The following PTPRN variants were observed in gnomAD, a reference collection of about 807,000 sequenced individuals.
The protein encoded by PTPRN is receptor-type tyrosine-protein phosphatase-like N.
A neutral mutation model predicts 108.5 loss-of-function variants in PTPRN; 70 were observed. That is an observed-to-expected ratio of 0.65 (90% confidence interval 0.53 to 0.79). PTPRN has a LOEUF of 0.79. Ranked by LOEUF, PTPRN falls within the 30% of genes least tolerant of loss-of-function variation. The probability of loss-of-function intolerance (pLI) is 0.00; values close to 1 mark genes in which losing one functional copy is unlikely to be tolerated. For missense variants in PTPRN, 1,136 were observed against 1,295.5 expected (o/e 0.88, Z 1.89); for synonymous variants, 496 against 524.6 (o/e 0.95, Z 0.75).
chr2:219,294,876 G>C (rs547419729), intron 19 of PTPRN, 99 bp downstream of exon 19: 4 of 1,239,952 alleles, frequency 3.2e-6, no homozygotes, highest in Admixed American at 4.0e-5. Flanking sequence ...CAGAGGCCGA[G>C]GCTCCAGGCC....
intron 12 of PTPRN, 124 bp from the exon 13 acceptor site, chr2:219,298,227 G>C (rs1317040540): frequency 1.1e-6 from 1 of 906,872 alleles, no homozygotes; most frequent in Admixed American, 2.2e-5. Flanking sequence ...TGGGAGATTA[G>C]GGGTATGGTG....
chr2:219,291,670 G>A (rs1952058475), intron 19 of PTPRN, 147 bp from the exon 20 acceptor site: 5 of 824,970 alleles, frequency 6.1e-6, no homozygotes, highest in Non-Finnish European at 9.7e-6. Flanking sequence ...AGGAGCCAGG[G>A]CTGGAGGCAA....
rs1372962902 is a variant in PTPRN at position 219,299,083 on chromosome 2, C to G, written c.1632G>C (p.Gln544His). Residue 544 changes from glutamine to histidine, a missense_variant, in exon 12 of 23, where the codon CAG becomes CAC. Transcript: ENST00000295718. ...CTGTCTGCAAGATTTGGAGCCCTGT[C>G]TGTGCTTCCAGTTCAGACTTCACCA... The part of the protein sequence containing the change: ...AGLVKSELEA[Q>H]TGLQILQTGV... The G allele has an allele frequency of 5.6e-6, 9 of 1,614,250 alleles. No individual in the cohort carries two copies. The highest frequency in any genetic ancestry group is 7.6e-6 in the Non-Finnish European group (9 of 1,180,046).
At position 219,297,131 on chromosome 2, in the gene PTPRN, G is replaced by A. The variant is rs1350238048; in HGVS notation, c.2090C>T (p.Ala697Val). 2 of 1,613,752 alleles carry A rather than the reference G, an allele frequency of 1.2e-6. No individual in the cohort carries two copies. Among genetic ancestry groups the A allele is most frequent in the Non-Finnish European group, 1.7e-6 (2 of 1,179,918 alleles). ...GTTCCGCAGGTGATCCTCCATGTATGCCTGTGGGGGCACCACGGTCTGGCT... is the reference window on the plus strand; with the variant it reads ...GTTCCGCAGGTGATCCTCCATGTATACCTGTGGGGGCACCACGGTCTGGCT... ...MDISTGHMIL[A>V]YMEDHLRNRD... The change falls in exon 15 of 23, where the codon GCA becomes GTA. Residue 697 changes from alanine to valine, a missense_variant and splice_region_variant. Coordinates refer to ENST00000295718, the MANE Select transcript of PTPRN (RefSeq NM_002846.4). The surrounding 1 kb of genome is among the most constrained non-coding windows in gnomAD (Gnocchi z 6.0).
intron 19 of PTPRN, 125 bp downstream of exon 19, chr2:219,294,850 G>A (rs918322618): frequency 2.0e-6 from 2 of 1,007,348 alleles, no homozygotes; most frequent in African/African-American, 3.5e-5. Flanking sequence ...GGGGTCTGGA[G>A]CGGGCGGCCA....
rs1050916203 is a variant in PTPRN, at chr2:219,289,809, G to A, written c.*417C>T. ...AGTGTGAGTCAGAGGCAGGCCCGGGGCTGAGAAGCAGGGGGAGCCGGGTGT... is the reference window on the plus strand; with the variant it reads ...AGTGTGAGTCAGAGGCAGGCCCGGGACTGAGAAGCAGGGGGAGCCGGGTGT... On this transcript the variant is annotated 3_prime_UTR_variant, in exon 23 of 23. Transcript: ENST00000295718. 3.4e-5 allele frequency: 6 copies of A among 179,020 alleles called. No homozygotes were observed. Among genetic ancestry groups the A allele is most frequent in the Non-Finnish European group, 7.1e-5 (6 of 84,154 alleles). The allele number at this position is 179,020 out of a possible 1,614,324, so 11.1% of individuals were successfully genotyped here.
At position 219,301,651 on chromosome 2, in the gene PTPRN, C is replaced by T; in HGVS notation, c.1063G>A (p.Glu355Lys). 1 of 1,613,614 alleles carries T rather than the reference C, an allele frequency of 6.2e-7. No homozygotes were observed. The highest frequency in any genetic ancestry group is 8.5e-7 in the Non-Finnish European group (1 of 1,179,580). Residue 355 changes from glutamate to lysine, a missense_variant, in exon 7 of 23, where the codon GAG becomes AAG. By Grantham distance (56) the Glu-to-Lys change is moderately conservative. Coordinates refer to ENST00000295718, the MANE Select transcript of PTPRN (RefSeq NM_002846.4). ...AGGGTCAGGAGTGTGGAGAGCTGCT[C>T]AGGGGTCAGCTGACGCAGCTCTACC... Reference protein sequence around the residue: ...YGVELRQLTPEQLSTLLTLLQ... With the variant: ...YGVELRQLTPKQLSTLLTLLQ...
intron 3 of PTPRN, 66 bp from the exon 4 acceptor site, chr2:219,303,897 G>A: frequency 7.9e-7 from 1 of 1,262,186 alleles, no homozygotes; most frequent in Non-Finnish European, 1.1e-6. Flanking sequence ...GGGACCACTG[G>A]GGATCAGAAC....
chr2:219,299,000 A>G lies in PTPRN; in HGVS notation c.1668+47T>C. 3 of 1,606,164 alleles carry G rather than the reference A, an allele frequency of 1.9e-6. No homozygotes were observed. The South Asian group carries it at 3.3e-5, about 18-fold the overall frequency. The stretch of plus-strand genomic sequence containing the variant: ...GGTTTGCCTCCAGCTCTTGCGGACA[A>G]CATCAGCCCTCTGGGGACTTGGACT... On this transcript the variant is annotated intron_variant, in intron 12 of 22. Transcript: ENST00000295718.
In PTPRN at chr2:219,303,818, G is replaced by A. The variant is rs144327823; in HGVS notation, c.294C>T (p.His98=). Residue 98 remains histidine (H), a synonymous_variant, in exon 4 of 23, where the codon CAC becomes CAT. Transcript: ENST00000295718. The part of the protein sequence containing the change: ...RQLMSQGLSW[H]DDLTQYVISQ... ...AGATCACATACTGGGTGAGGTCATC[G>A]TGCCAGGACAATCCTGTCAGGAAAG... 173 of 1,612,428 alleles carry A rather than the reference G, an allele frequency of 1.1e-4. 1 individual carries two copies. Among genetic ancestry groups the A allele is most frequent in the South Asian group, 8.6e-4 (78 of 90,864 alleles).
Position 219,290,594 on chromosome 2 carries a change from T to C in PTPRN, c.2812A>G (p.Ile938Val), listed in dbSNP as rs146180532. 4.2e-4 allele frequency: 647 copies of C among 1,551,730 alleles called. 5 individuals are homozygous for C. Among genetic ancestry groups the C allele is most frequent in the Non-Finnish European group, 8.5e-5 (97 of 1,147,058 alleles). The change falls in exon 22 of 23, where the codon ATC becomes GTC. Residue 938 changes from isoleucine to valine, a missense_variant. Coordinates refer to ENST00000295718, the MANE Select transcript of PTPRN (RefSeq NM_002846.4). This position sits in a 1 kb window ranked among gnomAD's most constrained non-coding sequence, Gnocchi z 4.2. ...CGGACATGCTCCAGGGTGGCAGCGA[T>C]GTCAATCTCCTTCACTCCTGGAGAT... The part of the protein sequence containing the change: ...RMAKGVKEID[I>V]AATLEHVRDQ...
Position 219,296,300 on chromosome 2 carries a change from G to C in PTPRN, c.2434C>G (p.Leu812Val). 6.2e-7 allele frequency: 1 copy of C among 1,614,134 alleles called. No individual in the cohort carries two copies. Among genetic ancestry groups the C allele is most frequent in the Non-Finnish European group, 8.5e-7 (1 of 1,180,024 alleles). ...GCTVIVMLTP[L>V]VEDGVKQCDR... ...CACTGCTTGACACCATCCTCCACCAGCGGGGTCAGCATGACGATGACGGTG... is the reference window on the plus strand; with the variant it reads ...CACTGCTTGACACCATCCTCCACCACCGGGGTCAGCATGACGATGACGGTG... Residue 812 changes from leucine to valine, a missense_variant, in exon 18 of 23, where the codon CTG (leucine) becomes GTG (valine). Leu to Val is a conservative substitution (Grantham distance 32). Transcript: ENST00000295718. The surrounding 1 kb of genome is among the most constrained non-coding windows in gnomAD (Gnocchi z 6.0).
Position 219,297,042 on chromosome 2 carries a change from C to T in PTPRN, c.2179G>A (p.Ala727Thr), listed in dbSNP as rs759651075. ...CAYQAEPNTCATAQGEGNIKK... is the reference protein window; with the variant it reads ...CAYQAEPNTCTTAQGEGNIKK... ...ATGTTGCCCTCCCCCTGCGCGGTGG[C>T]ACAGGTGTTTGGCTCTGCTTGGTAG... The change falls in exon 15 of 23, where the codon GCC becomes ACC. Residue 727 changes from alanine to threonine, a missense_variant. Transcript: ENST00000295718. This position sits in a 1 kb window ranked among gnomAD's most constrained non-coding sequence, Gnocchi z 6.0. 5 of 1,614,070 alleles carry T rather than the reference C, an allele frequency of 3.1e-6. No homozygotes were observed. Among genetic ancestry groups the T allele is most frequent in the Admixed American group, 3.3e-5 (2 of 60,028 alleles).
rs1445769382 is a variant in PTPRN at position 219,296,737 on chromosome 2, A to G, written c.2310+12T>C. 1.9e-6 allele frequency: 3 copies of G among 1,613,566 alleles called. No homozygotes were observed. The highest frequency in any genetic ancestry group is 2.5e-6 in the Non-Finnish European group (3 of 1,179,748). On this transcript the variant is annotated intron_variant, in intron 16 of 22. Coordinates refer to ENST00000295718, the MANE Select transcript of PTPRN (RefSeq NM_002846.4). This position sits in a 1 kb window ranked among gnomAD's most constrained non-coding sequence, Gnocchi z 6.0. Reference sequence around the variant, plus strand: ...TGGGGCAGAGGTGGGGGCTGGAGTCAGGGCCACTCACAATGGGGCTGGCGT... The same window carrying G: ...TGGGGCAGAGGTGGGGGCTGGAGTCGGGGCCACTCACAATGGGGCTGGCGT...
At chr2:219,307,756 C>T in intron 2 of PTPRN, 36 bp downstream of exon 2, 3 of 1,609,976 alleles carry the variant, frequency 1.9e-6, no homozygotes, top group Non-Finnish European at 2.6e-6. Context: ...CCCTCTCCCC[C>T]CGATCTTGTG....
In PTPRN at chr2:219,297,069, C is replaced by T; in HGVS notation, c.2152G>A (p.Ala718Thr). 6.2e-7 allele frequency: 1 copy of T among 1,614,092 alleles called. No homozygotes were observed. The highest frequency in any genetic ancestry group is 8.5e-7 in the Non-Finnish European group (1 of 1,180,024). Reference protein sequence around the residue: ...RLAKEWQALCAYQAEPNTCAT... With the variant: ...RLAKEWQALCTYQAEPNTCAT... Reference sequence around the variant, plus strand: ...CAGGTGTTTGGCTCTGCTTGGTAGGCACAGAGGGCCTGCCACTCCTTGGCA... The same window carrying T: ...CAGGTGTTTGGCTCTGCTTGGTAGGTACAGAGGGCCTGCCACTCCTTGGCA... Residue 718 changes from alanine (A) to threonine (T), a missense_variant, in exon 15 of 23, where the codon GCC becomes ACC. Physicochemically the swap from Ala to Thr is moderately conservative, Grantham distance 58. Transcript: ENST00000295718. The surrounding 1 kb of genome is among the most constrained non-coding windows in gnomAD (Gnocchi z 6.0).
intron 20 of PTPRN, among the ~76,000 whole-genome samples, chr2:219,291,124 G>T (rs959797625): frequency 1.3e-5 from 2 of 152,098 alleles, no homozygotes; most frequent in African/African-American, 4.8e-5. Context: ...TGGGCAATGG[G>T]ACAACCAAAG....
chr2:219,290,015 A>G lies in PTPRN; in HGVS notation c.*211T>C, dbSNP rs1483008847. The G allele has an allele frequency of 2.2e-5, 13 of 584,314 alleles. No individual in the cohort carries two copies. The highest frequency in any genetic ancestry group is 3.1e-5 in the Non-Finnish European group (10 of 321,656). The allele number at this position is 584,314 out of a possible 1,614,324, so 36.2% of individuals were successfully genotyped here. A position where few individuals can be genotyped will look rare whatever the true frequency, so the allele number is the denominator to read the frequency against. Reference sequence around the variant, plus strand: ...CTCTCCTCCTGGCTGCAGCACCCCCATGGGATGCCCTGGGCTCTGGGATGC... The same window carrying G: ...CTCTCCTCCTGGCTGCAGCACCCCCGTGGGATGCCCTGGGCTCTGGGATGC... On this transcript the variant is annotated 3_prime_UTR_variant, in exon 23 of 23. Transcript: ENST00000295718. This position sits in a 1 kb window ranked among gnomAD's most constrained non-coding sequence, Gnocchi z 4.2.
intron 3 of PTPRN, among the ~76,000 whole-genome samples, chr2:219,306,413 G>C (rs1374709957): frequency 6.6e-6 from 1 of 152,132 alleles, no homozygotes; most frequent in Non-Finnish European, 1.5e-5. Flanking sequence ...ACAAAAGAAT[G>C]GCACTCCATA....
Sources: gnomAD v4.1 joint callset for allele counts (sites outside exome capture counted in the v4.1 genomes callset) on GRCh38, gnomAD v4.1.1 for gene constraint, Gnocchi (gnomAD v3.1) non-coding constraint, MANE v1.5 for transcripts, NCBI Gene and HGNC (gene_info 2026-07-23, HGNC 2026-07-21) for gene names.